IKZF2: variants seen among roughly 807,000 people sequenced by gnomAD.
IKZF2 encodes IKAROS family zinc finger 2, also known as zinc finger protein Helios.
A neutral mutation model predicts 49.2 loss-of-function variants in IKZF2; 15 were observed. That is an observed-to-expected ratio of 0.30 (90% CI 0.20 to 0.47). IKZF2 has a LOEUF of 0.47. Ranked by LOEUF, IKZF2 falls within the 20% of genes least tolerant of loss-of-function variation. The pLI is 1.00. For synonymous variants in IKZF2, 227 were observed against 221.4 expected, an observed-to-expected ratio of 1.03 and a Z score of -0.23; for missense variants, 567 against 664.6, an observed-to-expected ratio of 0.85 and a Z score of 1.61.
intron 6 of IKZF2, among the ~76,000 whole-genome samples, chr2:213,048,607 A>C (rs937035483): frequency 6.6e-6 from 1 of 152,074 alleles, no homozygotes; most frequent in African/African-American, 2.4e-5. Context: ...GAAGTAAGTG[A>C]ATTCCTTTAA....
At chr2:213,049,587 T>C (rs1017426906) in intron 6 of IKZF2, 126 bp downstream of exon 6, 23 of 604,212 alleles carry the variant, frequency 3.8e-5, no homozygotes, top group African/African-American at 7.6e-5. Flanking sequence ...TTATTTAATG[T>C]ACACCAATAA....
chr2:213,140,915 G>T (rs562161848), intron 4 of IKZF2, among the ~76,000 whole-genome samples: 1 of 151,922 alleles, frequency 6.6e-6, no homozygotes, highest in African/African-American at 2.4e-5. Context: ...CAAACCATGG[G>T]CTAATATTAG....
intron 4 of IKZF2, among the ~76,000 whole-genome samples, chr2:213,065,828 GA>G (rs536665255): frequency 2.0e-5 from 3 of 151,576 alleles, no homozygotes; most frequent in Admixed American, 2.0e-4. Context: ...TAATAGTAAA[GA>G]AAAAAAACAG....
At chr2:213,070,425 A>G (rs1574716165) in intron 4 of IKZF2, among the ~76,000 whole-genome samples, 2 of 152,088 alleles carry the variant, frequency 1.3e-5, no homozygotes, top group African/African-American at 4.8e-5. Flanking sequence ...GTTACTACTT[A>G]CATCTAATAT....
chr2:213,083,504 C>T (rs964555024), intron 4 of IKZF2, among the ~76,000 whole-genome samples: 2 of 149,514 alleles, frequency 1.3e-5, no homozygotes, highest in Non-Finnish European at 3.0e-5. Flanking sequence ...GATTCTCCTG[C>T]CTCAGCCTAG....
chr2:213,116,301 AT>A (rs1281438454), intron 4 of IKZF2, among the ~76,000 whole-genome samples: 2 of 152,224 alleles, frequency 1.3e-5, no homozygotes, highest in African/African-American at 4.8e-5. Flanking sequence ...GTCATAAATA[AT>A]TTCTATTATA....
intron 6 of IKZF2, among the ~76,000 whole-genome samples, chr2:213,047,224 T>C (rs1700230900): frequency 6.6e-6 from 1 of 152,166 alleles, no homozygotes; most frequent in Non-Finnish European, 1.5e-5. Context: ...AACTCCTTTT[T>C]ATGGCAAGAC....
chr2:213,149,557 C>T (rs1477276516), intron 2 of IKZF2, among the ~76,000 whole-genome samples: 1 of 151,780 alleles, frequency 6.6e-6, no homozygotes, highest in Non-Finnish European at 1.5e-5. Flanking sequence ...TTTTTTTCCC[C>T]CTTTGGCCTT....
chr2:213,033,489 A>C (rs1274540082), intron 6 of IKZF2, among the ~76,000 whole-genome samples: 2 of 152,236 alleles, frequency 1.3e-5, no homozygotes, highest in East Asian at 3.8e-4. Flanking sequence ...TAAGACTTGA[A>C]AGTTTAAATT....
At position 213,001,055 on chromosome 2, in the gene IKZF2, A is replaced by C. The variant is rs947071692; in HGVS notation, c.*6305T>G. ...TTTCTTTTTGTCATTAGCTAAAGGA[A>C]GAATAGGTCAGAAAAGAAAAAAAAA... On this transcript the variant is annotated 3_prime_UTR_variant, in exon 9 of 9. Coordinates refer to ENST00000434687, the MANE Select transcript of IKZF2 (RefSeq NM_001387220.1). 1 of 151,890 alleles carries C rather than the reference A, an allele frequency of 6.6e-6. No homozygotes were observed. The highest frequency in any genetic ancestry group is 2.4e-5 in the African/African-American group (1 of 41,380). 9.4% of individuals were successfully genotyped at this position (151,890 alleles called of 1,614,324 possible). A position where few individuals can be genotyped will look rare whatever the true frequency, so the allele number is the denominator to read the frequency against.
rs1443984305 is a variant in IKZF2 at position 213,002,126 on chromosome 2, C to G, written c.*5234G>C. The G allele has an allele frequency of 6.6e-6, 1 of 151,354 alleles. No individual in the cohort carries two copies. The highest frequency in any genetic ancestry group is 1.5e-5 in the Non-Finnish European group (1 of 67,516). 9.4% of individuals were successfully genotyped at this position (151,354 alleles called of 1,614,324 possible). ...TACCTATATGAACTTATATGCTGTA[C>G]TTTATGTGACTTAGCAGAGGGCCTT... On this transcript the variant is annotated 3_prime_UTR_variant, in exon 9 of 9. Transcript: ENST00000434687.
intron 4 of IKZF2, among the ~76,000 whole-genome samples, chr2:213,140,959 T>C (rs1352221507): frequency 1.3e-5 from 2 of 152,010 alleles, no homozygotes; most frequent in African/African-American, 4.8e-5. Flanking sequence ...TACTTCAGTC[T>C]ATATCCATGT....
chr2:213,102,610 A>C, intron 4 of IKZF2, among the ~76,000 whole-genome samples: 1 of 152,198 alleles, frequency 6.6e-6, no homozygotes, highest in East Asian at 1.9e-4. Flanking sequence ...AACAAAAATA[A>C]TGCATAAAAA....
At chr2:213,080,010 G>A (rs1242329513) in intron 4 of IKZF2, among the ~76,000 whole-genome samples, 1 of 152,052 alleles carries the variant, frequency 6.6e-6, no homozygotes, top group African/African-American at 2.4e-5. Flanking sequence ...GCAATATTTA[G>A]CAAGAAATTT....
At chr2:213,018,867 A>G (rs935722202) in intron 7 of IKZF2, among the ~76,000 whole-genome samples, 6 of 152,172 alleles carry the variant, frequency 3.9e-5, no homozygotes, top group Admixed American at 3.3e-4. Flanking sequence ...TTTGGATTGA[A>G]CACTCCTGCA....
chr2:213,031,156 G>T (rs1574547703), intron 6 of IKZF2, among the ~76,000 whole-genome samples: 1 of 152,120 alleles, frequency 6.6e-6, no homozygotes, highest in East Asian at 1.9e-4. Context: ...TCTTTAACAG[G>T]ATGTGCCAGG....
chr2:213,140,515 A>C (rs908332623), intron 4 of IKZF2, among the ~76,000 whole-genome samples: 3 of 151,982 alleles, frequency 2.0e-5, no homozygotes, highest in Non-Finnish European at 4.4e-5. Flanking sequence ...TTTCAATAGC[A>C]TATTTATTTA....
intron 6 of IKZF2, among the ~76,000 whole-genome samples, chr2:213,037,850 A>C (rs978255540): frequency 3.3e-5 from 5 of 152,100 alleles, no homozygotes; most frequent in Admixed American, 2.0e-4. Flanking sequence ...ATCACCCAGA[A>C]AGTGGGCCAG....
At chr2:213,152,264 G>C (rs2061304422), upstream of IKZF2, 1 of 152,226 alleles carries the variant, frequency 6.6e-6, no homozygotes, top group African/African-American at 2.4e-5. Context: ...GCGGAGTCCG[G>C]GAGCCGCGTC....
Sources: allele counts gnomAD v4.1 joint callset (sites outside exome capture counted in the v4.1 genomes callset), GRCh38; gene constraint gnomAD v4.1.1; transcripts MANE v1.5; gene names NCBI Gene and HGNC (gene_info 2026-07-23, HGNC 2026-07-21).